Variants in ADGRV1 observed in about 807,000 individuals in gnomAD.
ADGRV1 encodes the protein adhesion G protein-coupled receptor V1, also known as G-protein coupled receptor 98.
A neutral mutation model predicts 596.2 loss-of-function variants in ADGRV1; 359 were observed. The observed-to-expected ratio is 0.60, with a 90% CI of 0.55 to 0.66. The LOEUF is 0.66. ADGRV1 is among the 30% of genes least tolerant of loss of function. The pLI is 0.00. For synonymous variants in ADGRV1, 2,681 were observed against 2,679.2 expected, an observed-to-expected ratio of 1.00 and a Z score of -0.02; for missense variants, 7,274 against 7,575.6, an observed-to-expected ratio of 0.96 and a Z score of 1.48.
Position 90,755,174 on chromosome 5 carries a change from T to G in ADGRV1, c.11569T>G (p.Ser3857Ala). Residue 3857 changes from serine (S) to alanine (A), a missense_variant, in exon 55 of 90, where the codon TCC becomes GCC. Transcript: ENST00000405460. ...CATAAAAGAAGCTCATGCCGAAGTT[T>G]CCATTTTGCCGGTAAGTCAAGGCTG... ...ENIKEAHAEVSILPDDLPELE... is the reference protein window; with the variant it reads ...ENIKEAHAEVAILPDDLPELE... 1 of 1,600,492 alleles carries G rather than the reference T, an allele frequency of 6.2e-7. No homozygotes were observed. Among genetic ancestry groups the G allele is most frequent in the Non-Finnish European group, 8.5e-7 (1 of 1,177,462 alleles).
At chr5:91,104,599 C>T (rs571736932) in intron 87 of ADGRV1, among the ~76,000 whole-genome samples, 1 of 152,226 alleles carries the variant, frequency 6.6e-6, no homozygotes, top group East Asian at 1.9e-4. Context: ...CCCTACCCTT[C>T]CCAGCTTCTA....
At chr5:90,687,937 G>A (rs1423374927) in intron 29 of ADGRV1, among the ~76,000 whole-genome samples, 1 of 152,146 alleles carries the variant, frequency 6.6e-6, no homozygotes, top group Non-Finnish European at 1.5e-5. Flanking sequence ...ATGCTCATGG[G>A]TAGGAAGAAT....
intron 43 of ADGRV1, 72 bp downstream of exon 43, chr5:90,716,801 G>A (rs957418909): frequency 1.9e-5 from 21 of 1,094,340 alleles, no homozygotes; most frequent in African/African-American, 3.1e-5. Flanking sequence ...TCTTAGATGA[G>A]CACTCAAGTC....
At chr5:90,949,174 C>T (rs1156671782) in intron 83 of ADGRV1, among the ~76,000 whole-genome samples, 1 of 152,014 alleles carries the variant, frequency 6.6e-6, no homozygotes, top group Non-Finnish European at 1.5e-5. Context: ...CATGAATAGG[C>T]AAAATTAATG....
chr5:90,631,271 T>A (rs1649377850), intron 9 of ADGRV1, among the ~76,000 whole-genome samples: 1 of 152,162 alleles, frequency 6.6e-6, no homozygotes. Flanking sequence ...TGTTCTGAAT[T>A]TTGTAAGACT....
At chr5:90,851,229 T>C (rs1766492156) in intron 79 of ADGRV1, among the ~76,000 whole-genome samples, 1 of 150,592 alleles carries the variant, frequency 6.6e-6, no homozygotes, top group African/African-American at 2.4e-5. Context: ...GGTTAGAGAA[T>C]AGGGCAAATA....
At chr5:90,680,675 A>G (rs1744819403) in intron 26 of ADGRV1, among the ~76,000 whole-genome samples, 1 of 152,130 alleles carries the variant, frequency 6.6e-6, no homozygotes, top group Non-Finnish European at 1.5e-5. Context: ...GCCTAATGCA[A>G]CCTCTGTAGT....
At chr5:90,629,560 A>T (rs1367970867) in intron 9 of ADGRV1, 21 bp downstream of exon 9, 1 of 1,540,790 alleles carries the variant, frequency 6.5e-7, no homozygotes, top group South Asian at 1.2e-5. Context: ...GATTAAAATA[A>T]TCGTAATTTT....
At chr5:90,873,201 T>C (rs1370356407) in intron 83 of ADGRV1, among the ~76,000 whole-genome samples, 1 of 152,190 alleles carries the variant, frequency 6.6e-6, no homozygotes, top group Non-Finnish European at 1.5e-5. Context: ...GGGCAGCCTT[T>C]CCTATAGGCT....
At chr5:90,937,775 A>G (rs1431068960) in intron 83 of ADGRV1, among the ~76,000 whole-genome samples, 1 of 151,766 alleles carries the variant, frequency 6.6e-6, no homozygotes, top group Non-Finnish European at 1.5e-5. Flanking sequence ...TATTTTTTTC[A>G]GTTTTAAGCT....
At chr5:90,638,455 A>G (rs941214141) in intron 11 of ADGRV1, among the ~76,000 whole-genome samples, 1 of 152,070 alleles carries the variant, frequency 6.6e-6, no homozygotes, top group South Asian at 2.1e-4. Flanking sequence ...ATTAAGAGAT[A>G]CTTTTTCAGT....
At chr5:90,621,700 C>A (rs1764097996) in intron 4 of ADGRV1, among the ~76,000 whole-genome samples, 1 of 152,096 alleles carries the variant, frequency 6.6e-6, no homozygotes, top group Non-Finnish European at 1.5e-5. Flanking sequence ...GTGGGGGTCT[C>A]AGTGCTGCCA....
At chr5:90,691,066 T>G in intron 31 of ADGRV1, 25 bp downstream of exon 31, 1 of 1,613,434 alleles carries the variant, frequency 6.2e-7, no homozygotes, top group South Asian at 1.1e-5. Context: ...TAGTATAGAA[T>G]GACACTGTAA....
intron 82 of ADGRV1, among the ~76,000 whole-genome samples, chr5:90,860,563 G>A (rs907440179): frequency 2.6e-5 from 4 of 152,150 alleles, no homozygotes; most frequent in African/African-American, 9.6e-5. Context: ...GCAGAAACAT[G>A]GGAATCAATA....
At chr5:90,805,519 T>C in intron 72 of ADGRV1, 61 bp downstream of exon 72, 5 of 1,362,596 alleles carry the variant, frequency 3.7e-6, no homozygotes. Flanking sequence ...CACTGGCCAC[T>C]AATTGTCTTG....
chr5:91,134,743 A>G (rs976895216), intron 87 of ADGRV1, among the ~76,000 whole-genome samples: 2 of 152,172 alleles, frequency 1.3e-5, no homozygotes, highest in Non-Finnish European at 2.9e-5. Flanking sequence ...TATAAATCCC[A>G]AAGTTTTATT....
In ADGRV1 at chr5:90,690,797, G is replaced by GT. The variant is rs1561534888; in HGVS notation, c.6711dup (p.Gln2238SerfsTer4). On this transcript the variant is annotated frameshift_variant and splice_region_variant, in exon 31 of 90. Coordinates refer to ENST00000405460, the MANE Select transcript of ADGRV1 (RefSeq NM_032119.4). LOFTEE classifies it high-confidence loss of function. ...GAACTCTGCTCTGTCTACCCTTCAG[G>GT]TTTTCAGATTACTAAACTTATTGTA... The GT allele has an allele frequency of 4.4e-6, 7 of 1,591,436 alleles. No individual in the cohort carries two copies. Among genetic ancestry groups the GT allele is most frequent in the Non-Finnish European group, 6.0e-6 (7 of 1,167,610 alleles).
At chr5:90,795,854 ACAGGGTCTGGAGTGGACCTCCAG>A (rs1221185965) in intron 70 of ADGRV1, among the ~76,000 whole-genome samples, 3 of 152,198 alleles carry the variant, frequency 2.0e-5, no homozygotes, top group Non-Finnish European at 4.4e-5. Flanking sequence ...ATCCAGGCAA[ACAGGGTCTGGAGTGGACCTCCAG>A]CAAACTCCAG....
chr5:90,877,546 G>C (rs1447514812), intron 83 of ADGRV1, among the ~76,000 whole-genome samples: 1 of 149,692 alleles, frequency 6.7e-6, no homozygotes, highest in East Asian at 1.9e-4. Flanking sequence ...GAAATGGAAA[G>C]TTTCTGTCTG....
Sources: allele counts gnomAD v4.1 joint callset (sites outside exome capture counted in the v4.1 genomes callset), GRCh38; gene constraint gnomAD v4.1.1; transcripts MANE v1.5; gene names NCBI Gene and HGNC (gene_info 2026-07-23, HGNC 2026-07-21).